Variants in SNX31 observed in about 807,000 individuals in gnomAD.
SNX31 encodes sorting nexin 31.
In SNX31, 58 loss-of-function variants were observed where a neutral mutation model predicts 65.4. The ratio of observed to expected loss-of-function variants is 0.89; its 90% CI spans 0.72 to 1.10. The LOEUF is 1.10. SNX31 is among the 50% of genes least tolerant of loss of function. SNX31 has a pLI of 0.00. For synonymous variants in SNX31, 181 were observed against 190.1 expected, an observed-to-expected ratio of 0.95 and a Z score of 0.39; for missense variants, 523 against 529.7, an observed-to-expected ratio of 0.99 and a Z score of 0.12.
chr8:100,613,459 A>T lies in SNX31; in HGVS notation c.433-374T>A, dbSNP rs1473753498. Among the ~76,000 whole-genome samples the T allele has an allele frequency of 3.3e-5, 5 of 152,064 alleles. No homozygotes were observed. The highest frequency in any genetic ancestry group is 3.3e-4 in the Admixed American group (5 of 15,258). On this transcript the variant is annotated intron_variant, in intron 5 of 13. Coordinates refer to ENST00000311812, the MANE Select transcript of SNX31 (RefSeq NM_152628.4). This position sits in a 1 kb window ranked among gnomAD's most constrained non-coding sequence, Gnocchi z 5.2. ...TCCTTCTGTGATGTCTGTCCCTGGAACCTGCACACTAGTTTACCTTCCTGT... is the reference window on the plus strand; with the variant it reads ...TCCTTCTGTGATGTCTGTCCCTGGATCCTGCACACTAGTTTACCTTCCTGT...
At chr8:100,617,843 C>A in intron 4 of SNX31, 113 bp from the exon 5 acceptor site, 1 of 804,852 alleles carries the variant, frequency 1.2e-6, no homozygotes, top group Admixed American at 2.6e-5. Context: ...TGGCTCACTG[C>A]AACCTCTGCC....
chr8:100,582,989 AAAG>A (rs978146834), intron 12 of SNX31, among the ~76,000 whole-genome samples: 36 of 151,748 alleles, frequency 2.4e-4, no homozygotes, highest in African/African-American at 5.1e-4. Flanking sequence ...CTAAAAAAAA[AAAG>A]AAAAGAAAAG....
rs138583627 is a variant in SNX31, at chr8:100,579,773, G to A, written c.1171-2698C>T. ...GAATCAGAAAGCCATCTTGTTCTTCGCCATTTTTGAGGGAAACTAATTTTG... is the reference window on the plus strand; with the variant it reads ...GAATCAGAAAGCCATCTTGTTCTTCACCATTTTTGAGGGAAACTAATTTTG... On this transcript the variant is annotated intron_variant, in intron 12 of 13. Coordinates refer to ENST00000311812, the MANE Select transcript of SNX31 (RefSeq NM_152628.4). Among the ~76,000 whole-genome samples, 1,018 of 152,206 alleles carry A rather than the reference G, an allele frequency of 6.7e-3. 11 individuals carry two copies. Among genetic ancestry groups the A allele is most frequent in the Non-Finnish European group, 9.2e-3 (625 of 68,010 alleles).
chr8:100,619,637 G>C (rs761223801), intron 4 of SNX31, among the ~76,000 whole-genome samples: 1 of 152,230 alleles, frequency 6.6e-6, no homozygotes, highest in Admixed American at 6.5e-5. Flanking sequence ...GCAGGGCAGC[G>C]ATCTGGGGGT....
chr8:100,646,753 T>C (rs929711096), intron 2 of SNX31, among the ~76,000 whole-genome samples: 35 of 152,200 alleles, frequency 2.3e-4, no homozygotes, highest in African/African-American at 8.2e-4. Flanking sequence ...ACTGAACCCA[T>C]AAAGTTGGGG....
At chr8:100,663,389 C>CT (rs1213990852) in exon 1 of SNX31, 1 of 152,162 alleles carries the variant, frequency 6.6e-6, no homozygotes, top group Admixed American at 6.5e-5. Context: ...CCAACCAAGC[C>CT]TTTTTTGAAT....
In SNX31 at chr8:100,617,650, T is replaced by C. The variant is rs142883851; in HGVS notation, c.402A>G (p.Ile134Met). 6.8e-6 allele frequency: 11 copies of C among 1,613,362 alleles called. 1 individual carries two copies. The Middle Eastern group carries it at 8.2e-4, about 121-fold the overall frequency. Residue 134 changes from isoleucine (I) to methionine (M), a missense_variant, in exon 5 of 14, where the codon ATA becomes ATG. By Grantham distance (10) the Ile-to-Met change is conservative. Coordinates refer to ENST00000311812, the MANE Select transcript of SNX31 (RefSeq NM_152628.4). ...GGACTCTTTCAGCAGTGTCTGATGT[T>C]ATAATTTCGATTCTAATACTCTGTT... ...PNEQSIRIEI[I>M]TSDTAERVLE...
Position 100,573,854 on chromosome 8 carries a change from G to C in SNX31, c.*11C>G. Reference sequence around the variant, plus strand: ...AGCCTCCAAGGATATTTTAAAATATGAGAGCTTTCTTCAGAGATCTTCTTC... The same window carrying C: ...AGCCTCCAAGGATATTTTAAAATATCAGAGCTTTCTTCAGAGATCTTCTTC... On this transcript the variant is annotated 3_prime_UTR_variant, in exon 14 of 14. Transcript: ENST00000311812. 1.3e-6 allele frequency: 2 copies of C among 1,542,890 alleles called. No individual in the cohort carries two copies. Among genetic ancestry groups the C allele is most frequent in the Non-Finnish European group, 1.8e-6 (2 of 1,133,754 alleles).
At chr8:100,607,092 A>C (rs564427502) in intron 8 of SNX31, among the ~76,000 whole-genome samples, 2 of 152,324 alleles carry the variant, frequency 1.3e-5, no homozygotes, top group African/African-American at 4.8e-5. Context: ...CGGAGGAAAA[A>C]GAACAAGGAC....
chr8:100,584,780 A>C (rs1377999053), intron 11 of SNX31, among the ~76,000 whole-genome samples: 1 of 132,310 alleles, frequency 7.6e-6, no homozygotes, highest in Non-Finnish European at 1.6e-5. Context: ...AGACAGTCTC[A>C]CTCTGTCACC....
At chr8:100,658,107 G>GT (rs911229682) in intron 1 of SNX31, among the ~76,000 whole-genome samples, 2 of 152,088 alleles carry the variant, frequency 1.3e-5, no homozygotes, top group Admixed American at 1.3e-4. Flanking sequence ...TGATTTAATT[G>GT]TTTTTTGGAG....
At chr8:100,623,660 C>T (rs957628390) in intron 4 of SNX31, among the ~76,000 whole-genome samples, 2 of 152,128 alleles carry the variant, frequency 1.3e-5, no homozygotes, top group Non-Finnish European at 2.9e-5. Context: ...TAAAAGGTGC[C>T]CTTCCTCCAC....
At chr8:100,634,457 A>G (rs569697626) in intron 3 of SNX31, among the ~76,000 whole-genome samples, 140 of 152,252 alleles carry the variant, frequency 9.2e-4, no homozygotes, top group African/African-American at 3.3e-3. Context: ...GACTCTAAAC[A>G]TAAAGTAGGC....
At chr8:100,635,018 T>C (rs1818661460) in intron 3 of SNX31, among the ~76,000 whole-genome samples, 1 of 152,200 alleles carries the variant, frequency 6.6e-6, no homozygotes, top group South Asian at 2.1e-4. Context: ...TTAGCCACGA[T>C]TGTGCCACTG....
Position 100,588,414 on chromosome 8 carries a change from A to G in SNX31, c.1092+452T>C, listed in dbSNP as rs2469656. Among the ~76,000 whole-genome samples the G allele has an allele frequency of 0.37, 56,070 of 152,036 alleles. 10,909 individuals carry two copies. Among genetic ancestry groups the G allele is most frequent in the African/African-American group, 0.46 (19,046 of 41,458 alleles). ...AAGATCATAAAAATCTGTATTGCCT[A>G]AGTCAGGGGTTGGCAAACAAGGCCA... is the stretch of plus-strand genomic sequence containing the variant. On this transcript the variant is annotated intron_variant, in intron 11 of 13. Coordinates refer to ENST00000311812, the MANE Select transcript of SNX31 (RefSeq NM_152628.4). This position sits in a 1 kb window ranked among gnomAD's most constrained non-coding sequence, Gnocchi z 4.8.
chr8:100,606,121 G>A (rs895439454), intron 8 of SNX31, among the ~76,000 whole-genome samples: 7 of 151,640 alleles, frequency 4.6e-5, no homozygotes, highest in African/African-American at 1.5e-4. Context: ...AGTGACCTCC[G>A]CCTTCTGGGC....
intron 1 of SNX31, among the ~76,000 whole-genome samples, chr8:100,661,689 G>A (rs1237274160): frequency 9.1e-6 from 1 of 110,376 alleles, no homozygotes. Context: ...CACCACACAC[G>A]GCCAGTTTTT....
rs1816758190 is a variant in SNX31, at chr8:100,612,039, C to T, written c.572G>A (p.Ser191Asn). 6.2e-7 allele frequency: 1 copy of T among 1,614,168 alleles called. No homozygotes were observed. Among genetic ancestry groups the T allele is most frequent in the East Asian group, 2.2e-5 (1 of 44,884 alleles). Reference sequence around the variant, plus strand: ...AACCTTACAGTTTTCCACCTCAGAACTTCCAAGACTAACATAAGGGAGTTC... The same window carrying T: ...AACCTTACAGTTTTCCACCTCAGAATTTCCAAGACTAACATAAGGGAGTTC... The part of the protein sequence containing the change: ...DFELPYVSLG[S>N]SEVENCKVGL... Residue 191 changes from serine to asparagine, a missense_variant, in exon 7 of 14, where the codon AGT becomes AAT. Physicochemically the swap from Ser to Asn is conservative, Grantham distance 46. Coordinates refer to ENST00000311812, the MANE Select transcript of SNX31 (RefSeq NM_152628.4). The surrounding 1 kb of genome is among the most constrained non-coding windows in gnomAD (Gnocchi z 4.3).
At chr8:100,643,521 A>G (rs1819417528) in intron 2 of SNX31, among the ~76,000 whole-genome samples, 1 of 152,216 alleles carries the variant, frequency 6.6e-6, no homozygotes, top group Admixed American at 6.5e-5. Context: ...GGTGGCATCT[A>G]GCACCTAAGA....
Sources: allele counts gnomAD v4.1 joint callset (sites outside exome capture counted in the v4.1 genomes callset), GRCh38; gene constraint gnomAD v4.1.1; non-coding constraint Gnocchi (gnomAD v3.1); transcripts MANE v1.5; gene names NCBI Gene and HGNC (gene_info 2026-07-23, HGNC 2026-07-21).